The following CSMD1 variants were observed in gnomAD, a reference collection of about 807,000 sequenced individuals.
CSMD1 encodes CUB and sushi domain-containing protein 1.
CSMD1 carries 213 observed loss-of-function variants against 417.5 expected under a neutral mutation model. That is an observed-to-expected ratio of 0.51 (90% CI 0.46 to 0.57). The LOEUF is 0.57. CSMD1 is among the 20% of genes least tolerant of loss of function. The pLI is 0.00. For synonymous variants in CSMD1, 2,862 were observed against 1,736.8 expected (o/e 1.65, Z -16.11); for missense variants, 6,923 against 4,529.7 (o/e 1.53, Z -15.17).
chr8:4,741,415 C>G (rs964496346), intron 1 of CSMD1, among the ~76,000 whole-genome samples: 1 of 152,034 alleles, frequency 6.6e-6, no homozygotes, highest in Admixed American at 6.6e-5. Flanking sequence ...TACTAAATGA[C>G]CAGGAAATAA....
chr8:3,283,305 C>T (rs1389090937), intron 26 of CSMD1, among the ~76,000 whole-genome samples: 1 of 152,078 alleles, frequency 6.6e-6, no homozygotes, highest in East Asian at 1.9e-4. Context: ...CAGACTGGGG[C>T]ATGTAGGGAA....
intron 3 of CSMD1, among the ~76,000 whole-genome samples, chr8:4,237,905 T>A (rs2128819359): frequency 1.3e-5 from 2 of 152,254 alleles, no homozygotes; most frequent in South Asian, 4.1e-4. Flanking sequence ...ATCTAAATAA[T>A]AAAATGTGAA....
intron 10 of CSMD1, among the ~76,000 whole-genome samples, chr8:3,502,423 T>C (rs959091837): frequency 6.6e-6 from 1 of 151,160 alleles, no homozygotes; most frequent in Non-Finnish European, 1.5e-5. Flanking sequence ...TGTACGTTTA[T>C]AGCAACTTTA....
At chr8:4,128,193 C>A (rs1001776737) in intron 3 of CSMD1, among the ~76,000 whole-genome samples, 1 of 152,064 alleles carries the variant, frequency 6.6e-6, no homozygotes, top group African/African-American at 2.4e-5. Flanking sequence ...GGAAAAAGTG[C>A]CCTGAGAAAA....
At chr8:3,372,278 G>T (rs11992125) in intron 18 of CSMD1, among the ~76,000 whole-genome samples, 23,618 of 152,112 alleles carry the variant, frequency 0.16, 1,875 homozygotes, top group Middle Eastern at 0.22. Context: ...AGCTACAGTG[G>T]AGCTGCAGGG....
At chr8:3,500,417 C>G (rs146203630) in intron 10 of CSMD1, among the ~76,000 whole-genome samples, 150 of 152,172 alleles carry the variant, frequency 9.9e-4, no homozygotes, top group Non-Finnish European at 6.6e-4. Flanking sequence ...GAGAGGTTCA[C>G]GACCAGACAC....
At chr8:3,776,415 C>G (rs1402633102) in intron 5 of CSMD1, among the ~76,000 whole-genome samples, 1 of 152,202 alleles carries the variant, frequency 6.6e-6, no homozygotes, top group Non-Finnish European at 1.5e-5. Context: ...CTGACACCTT[C>G]TCACTCCTGT....
At chr8:3,999,818 T>G (rs1339573867) in intron 4 of CSMD1, among the ~76,000 whole-genome samples, 1 of 152,190 alleles carries the variant, frequency 6.6e-6, no homozygotes, top group African/African-American at 2.4e-5. Flanking sequence ...GGTGTTCTCA[T>G]GTTTTAATAG....
At chr8:3,173,652 T>C (rs1249635661) in intron 37 of CSMD1, among the ~76,000 whole-genome samples, 4 of 152,324 alleles carry the variant, frequency 2.6e-5, no homozygotes, top group East Asian at 1.9e-4. Context: ...CCTTCCTCTG[T>C]TGGAGGTAGT....
chr8:4,392,431 A>G (rs1420154147), intron 3 of CSMD1, among the ~76,000 whole-genome samples: 3 of 152,154 alleles, frequency 2.0e-5, no homozygotes, highest in Non-Finnish European at 4.4e-5. Context: ...ATATGAAGCC[A>G]AAGAACGTAA....
intron 1 of CSMD1, among the ~76,000 whole-genome samples, chr8:4,937,595 C>T (rs908372796): frequency 6.6e-6 from 1 of 152,066 alleles, no homozygotes; most frequent in Non-Finnish European, 1.5e-5. Flanking sequence ...AGGAAAAGTC[C>T]CCTAAATACC....
intron 41 of CSMD1, among the ~76,000 whole-genome samples, chr8:3,121,260 G>A (rs1817188524): frequency 6.6e-6 from 1 of 151,994 alleles, no homozygotes; most frequent in Non-Finnish European, 1.5e-5. Context: ...TAGTCAGCAG[G>A]TTAAAAAAAA....
chr8:3,535,880 G>T (rs7844359), intron 10 of CSMD1, among the ~76,000 whole-genome samples: 38,008 of 152,002 alleles, frequency 0.25, 6,238 homozygotes, highest in African/African-American at 0.47. Context: ...TAGAACTCTA[G>T]GCTGGCCACT....
intron 12 of CSMD1, among the ~76,000 whole-genome samples, chr8:3,464,583 TATAA>T (rs1364278151): frequency 4.0e-5 from 6 of 149,812 alleles, no homozygotes; most frequent in South Asian, 2.1e-4. Context: ...TTTATAAATA[TATAA>T]ATAAATGATT....
intron 3 of CSMD1, among the ~76,000 whole-genome samples, chr8:4,356,188 C>T (rs1043427375): frequency 6.6e-6 from 1 of 152,140 alleles, no homozygotes; most frequent in Non-Finnish European, 1.5e-5. Flanking sequence ...TGCCACAAAT[C>T]AGTGGGAAGA....
chr8:3,352,193 C>G (rs899319600), intron 21 of CSMD1, among the ~76,000 whole-genome samples: 2 of 152,082 alleles, frequency 1.3e-5, no homozygotes, highest in Non-Finnish European at 2.9e-5. Context: ...CTCTCAGGTG[C>G]AAGACAAATA....
At chr8:4,158,408 A>G (rs4875294) in intron 3 of CSMD1, among the ~76,000 whole-genome samples, 47,306 of 151,756 alleles carry the variant, frequency 0.31, 9,101 homozygotes, top group Non-Finnish European at 0.42. Context: ...TCACTATTGC[A>G]AAAGGATATT....
At chr8:3,667,614 G>A (rs947371633) in intron 7 of CSMD1, among the ~76,000 whole-genome samples, 2 of 152,158 alleles carry the variant, frequency 1.3e-5, no homozygotes, top group South Asian at 2.1e-4. Context: ...AGTGACAGAG[G>A]AGTCCTCCTC....
chr8:4,839,936 C>G (rs1227828267), intron 1 of CSMD1, among the ~76,000 whole-genome samples: 3 of 152,212 alleles, frequency 2.0e-5, no homozygotes, highest in African/African-American at 4.8e-5. Flanking sequence ...CTCTACAACA[C>G]AGACCCGGAG....
Sources: gnomAD v4.1 joint callset for allele counts (sites outside exome capture counted in the v4.1 genomes callset) on GRCh38, gnomAD v4.1.1 for gene constraint, MANE v1.5 for transcripts, NCBI Gene and HGNC (gene_info 2026-07-23, HGNC 2026-07-21) for gene names.